BNC2: variants seen among roughly 807,000 people sequenced by gnomAD.
BNC2 encodes the protein basonuclin zinc finger protein 2, also known as zinc finger protein basonuclin-2.
A neutral mutation model predicts 76.3 loss-of-function variants in BNC2; 20 were observed. The observed-to-expected ratio is 0.26, with a 90% CI of 0.18 to 0.38. The LOEUF (loss-of-function observed/expected upper bound fraction) is 0.38. Among genes scored for constraint, BNC2 ranks in the 10% least tolerant of loss-of-function variants. The pLI is 1.00. For synonymous variants in BNC2, 582 were observed against 514.8 expected (o/e 1.13, Z -1.77); for missense variants, 1,382 against 1,399.8 (o/e 0.99, Z 0.20).
Position 16,665,476 on chromosome 9 carries a change from AAGAAAGAAAGAAAGAG to A in BNC2, c.330+62305_330+62320del, listed in dbSNP as rs1480015976. Among the ~76,000 whole-genome samples, 472 of 129,440 alleles carry A rather than the reference AAGAAAGAAAGAAAGAG, an allele frequency of 3.6e-3. 3 individuals carry two copies. The highest frequency in any genetic ancestry group is 0.014 in the African/African-American group (455 of 31,442). 84.9% of individuals were successfully genotyped at this position (129,440 alleles called of 152,430 possible). ...AAAGAAAGAAAGAAAGAAAGAAAGA[AAGAAAGAAAGAAAGAG>A]AGAGAGAGAAATCACAGCAAATTTC... On this transcript the variant is annotated intron_variant, in intron 3 of 6. Coordinates refer to ENST00000380672, the MANE Select transcript of BNC2 (RefSeq NM_017637.6).
intron 3 of BNC2, among the ~76,000 whole-genome samples, chr9:16,665,607 A>G (rs761202844): frequency 1.3e-5 from 2 of 152,204 alleles, no homozygotes; most frequent in Admixed American, 6.5e-5. Flanking sequence ...TAAGCATGAA[A>G]GTGTGTTTAA....
At chr9:16,673,508 G>T (rs924918604) in intron 3 of BNC2, among the ~76,000 whole-genome samples, 7 of 151,078 alleles carry the variant, frequency 4.6e-5, no homozygotes, top group African/African-American at 1.7e-4. Flanking sequence ...AAAATTTCCA[G>T]TTCTTATGGT....
At chr9:16,614,669 A>C (rs1204532436) in intron 3 of BNC2, among the ~76,000 whole-genome samples, 1 of 151,734 alleles carries the variant, frequency 6.6e-6, no homozygotes, top group Non-Finnish European at 1.5e-5. Context: ...AAAAATGGCC[A>C]GGAGTGGTGG....
intron 5 of BNC2, among the ~76,000 whole-genome samples, chr9:16,521,994 AAGCACAC>A (rs754201951): frequency 8.2e-4 from 125 of 152,320 alleles, no homozygotes; most frequent in Non-Finnish European, 1.5e-3. Context: ...TAAATCAAAC[AAGCACAC>A]AGCACTAGAC....
chr9:16,521,851 G>A (rs377143518), intron 5 of BNC2, among the ~76,000 whole-genome samples: 2 of 152,188 alleles, frequency 1.3e-5, no homozygotes, highest in South Asian at 2.1e-4. Context: ...AGCTGCAACC[G>A]TTTTTAAATA....
rs1415907631 is a variant in BNC2, at chr9:16,803,949, C to CA, written c.4-65465dup. Among the ~76,000 whole-genome samples the CA allele has an allele frequency of 4.6e-5, 7 of 152,198 alleles. No homozygotes were observed. In the East Asian group the frequency reaches 1.3e-3, roughly 29 times the overall value. On this transcript the variant is annotated intron_variant, in intron 1 of 6. Coordinates refer to ENST00000380672, the MANE Select transcript of BNC2 (RefSeq NM_017637.6). ...AAATTTTAATGTACTTTGAAAAACT[C>CA]AGTTTACATCAGTGCTCAAGGTGCA... is the stretch of plus-strand genomic sequence containing the variant.
At chr9:16,420,706 C>CAT (rs35766150) in intron 6 of BNC2, among the ~76,000 whole-genome samples, 40,120 of 150,394 alleles carry the variant, frequency 0.27, 5,727 homozygotes, top group East Asian at 0.37. Flanking sequence ...TATTTTTTTA[C>CAT]ATATATATAT....
intron 1 of BNC2, among the ~76,000 whole-genome samples, chr9:16,870,334 C>T (rs1819649032): frequency 6.6e-6 from 1 of 152,166 alleles, no homozygotes. Context: ...CTCCCCTAGC[C>T]AGCCGCTCAC....
intron 3 of BNC2, among the ~76,000 whole-genome samples, chr9:16,652,541 C>T (rs992314316): frequency 1.3e-5 from 2 of 152,068 alleles, no homozygotes; most frequent in Non-Finnish European, 1.5e-5. Flanking sequence ...GTGAATTATA[C>T]AAATGTAATA....
At chr9:16,713,927 C>T (rs1476747732) in intron 3 of BNC2, among the ~76,000 whole-genome samples, 1 of 152,086 alleles carries the variant, frequency 6.6e-6, no homozygotes, top group African/African-American at 2.4e-5. Flanking sequence ...ATACAAAAAT[C>T]ACCTAGGCAT....
chr9:16,651,885 A>G (rs1821804515), intron 3 of BNC2, among the ~76,000 whole-genome samples: 2 of 152,244 alleles, frequency 1.3e-5, no homozygotes, highest in African/African-American at 4.8e-5. Flanking sequence ...GACGATTAGC[A>G]TGTATATATT....
intron 4 of BNC2, among the ~76,000 whole-genome samples, chr9:16,578,043 T>A (rs201159410): frequency 0.03 from 4,616 of 151,456 alleles, 269 homozygotes; most frequent in East Asian, 0.19. Context: ...AAAAAAAAAT[T>A]TTTTTTTGTT....
chr9:16,458,499 G>A (rs1821503430), intron 5 of BNC2, among the ~76,000 whole-genome samples: 1 of 152,084 alleles, frequency 6.6e-6, no homozygotes, highest in Non-Finnish European at 1.5e-5. Context: ...GTCAATTCTT[G>A]GCCTACAAAT....
chr9:16,605,518 C>T (rs1239077509), intron 3 of BNC2, among the ~76,000 whole-genome samples: 1 of 152,250 alleles, frequency 6.6e-6, no homozygotes, highest in Non-Finnish European at 1.5e-5. Flanking sequence ...TTTACCACCT[C>T]TAAGCTTCAA....
At position 16,834,645 on chromosome 9, in the gene BNC2, C is replaced by T. The variant is rs377156888; in HGVS notation, c.3+36001G>A. Among the ~76,000 whole-genome samples, 139 of 152,244 alleles carry T rather than the reference C, an allele frequency of 9.1e-4. 1 individual carries two copies. Among genetic ancestry groups the T allele is most frequent in the African/African-American group, 3.3e-3 (136 of 41,554 alleles). ...CCACAATTAGCATTTTACATTTTTG[C>T]CTGATTATCTAATAATACCGGTCTC... On this transcript the variant is annotated intron_variant, in intron 1 of 6. Transcript: ENST00000380672.
At chr9:16,484,844 A>G (rs1009658887) in intron 5 of BNC2, among the ~76,000 whole-genome samples, 3 of 152,196 alleles carry the variant, frequency 2.0e-5, no homozygotes, top group Non-Finnish European at 4.4e-5. Flanking sequence ...AGACATTTCC[A>G]CTGTCAGAGG....
intron 1 of BNC2, among the ~76,000 whole-genome samples, chr9:16,870,412 G>C (rs1819651789): frequency 6.6e-6 from 1 of 151,992 alleles, no homozygotes. Flanking sequence ...CTCCCACCTA[G>C]AGCTCGCCTC....
At chr9:16,423,003 C>T (rs1438362057) in intron 6 of BNC2, among the ~76,000 whole-genome samples, 1 of 152,140 alleles carries the variant, frequency 6.6e-6, no homozygotes, top group Admixed American at 6.5e-5. Flanking sequence ...AGAACTCTCA[C>T]CTACTGATAA....
At chr9:16,521,470 G>A (rs1327897245) in intron 5 of BNC2, among the ~76,000 whole-genome samples, 14 of 152,110 alleles carry the variant, frequency 9.2e-5, no homozygotes, top group African/African-American at 3.4e-4. Flanking sequence ...GTCATATACT[G>A]GCCATAAATA....
Sources: gnomAD v4.1 joint callset for allele counts (sites outside exome capture counted in the v4.1 genomes callset) on GRCh38, gnomAD v4.1.1 for gene constraint, MANE v1.5 for transcripts, NCBI Gene and HGNC (gene_info 2026-07-23, HGNC 2026-07-21) for gene names.